The following NUP98 variants were observed in gnomAD, a reference collection of about 807,000 sequenced individuals.
NUP98 encodes nuclear pore complex protein Nup98-Nup96.
Under a neutral mutation model 191.9 loss-of-function variants are expected in NUP98, and 26 were observed. The observed-to-expected ratio is 0.14, with a 90% confidence interval of 0.10 to 0.19. The LOEUF is 0.19. Among genes scored for constraint, NUP98 ranks in the 10% least tolerant of loss-of-function variants. The pLI, the probability that NUP98 is intolerant of heterozygous loss-of-function variation, is 1.00. For missense variants in NUP98, 1,941 were observed against 2,178.8 expected (o/e 0.89, Z 2.17); for synonymous variants, 808 against 778.4 (o/e 1.04, Z -0.63).
rs58867754 is a variant in NUP98 at position 3,753,755 on chromosome 11, C to CAAAAAAAAAAAAA, written c.1175-360_1175-348dup. ...GTGAAACCCCGTCTCTATAAAAATACAAAAAAAAAAAAAAAAAAAAAAAAA... is the reference window on the plus strand; with the variant it reads ...GTGAAACCCCGTCTCTATAAAAATACAAAAAAAAAAAAAAAAAAAAAAAAAAAAAAAAAAAAAA... On this transcript the variant is annotated intron_variant, in intron 10 of 32. Coordinates refer to ENST00000324932, the MANE Select transcript of NUP98 (RefSeq NM_016320.5). 4.9e-4 allele frequency among the ~76,000 whole-genome samples: 5 copies of CAAAAAAAAAAAAA among 10,174 alleles called. 2 individuals are homozygous for CAAAAAAAAAAAAA. The highest frequency in any genetic ancestry group is 9.0e-4 in the African/African-American group (2 of 2,216). 6.7% of individuals were successfully genotyped at this position (10,174 alleles called of 152,430 possible). A position where few individuals can be genotyped will look rare whatever the true frequency, so the allele number is the denominator to read the frequency against.
intron 8 of NUP98, among the ~76,000 whole-genome samples, chr11:3,767,872 C>T (rs1183466964): frequency 2.0e-5 from 3 of 151,308 alleles, no homozygotes; most frequent in Non-Finnish European, 2.9e-5. Context: ...ACTAGGTGAA[C>T]GTTCCCTTAG....
intron 16 of NUP98, among the ~76,000 whole-genome samples, chr11:3,721,460 G>C (rs1589805572): frequency 6.6e-6 from 1 of 152,178 alleles, no homozygotes; most frequent in Non-Finnish European, 1.5e-5. Flanking sequence ...GACTTTGGGA[G>C]GCCGGGGTGA....
At chr11:3,738,240 AG>A (rs1185006444) in intron 12 of NUP98, among the ~76,000 whole-genome samples, 2 of 152,328 alleles carry the variant, frequency 1.3e-5, no homozygotes, top group East Asian at 3.9e-4. Flanking sequence ...TTGATAGATT[AG>A]CAAAAACAAG....
chr11:3,771,382 G>A (rs2081526557), intron 7 of NUP98, among the ~76,000 whole-genome samples: 2 of 152,044 alleles, frequency 1.3e-5, no homozygotes, highest in Non-Finnish European at 2.9e-5. Flanking sequence ...TATAAAATAT[G>A]GCCCCTATAT....
chr11:3,724,978 T>G, intron 15 of NUP98, 125 bp downstream of exon 15: 1 of 533,022 alleles, frequency 1.9e-6, no homozygotes, highest in Admixed American at 3.1e-5. Flanking sequence ...TAGGCGCTCA[T>G]AAGCTTGTAA....
chr11:3,779,433 G>A, intron 2 of NUP98, among the ~76,000 whole-genome samples, 176 bp from the exon 3 acceptor site: 1 of 152,026 alleles, frequency 6.6e-6, no homozygotes, highest in East Asian at 1.9e-4. Flanking sequence ...CCTGAGGTCG[G>A]GAGTTCAAGA....
chr11:3,711,185 C>T (rs2079014329), intron 20 of NUP98, among the ~76,000 whole-genome samples: 1 of 151,930 alleles, frequency 6.6e-6, no homozygotes, highest in Non-Finnish European at 1.5e-5. Context: ...GCAGAGGCCA[C>T]AGAGAGCCGA....
chr11:3,749,055 T>C (rs1307547083), intron 11 of NUP98, among the ~76,000 whole-genome samples: 1 of 151,862 alleles, frequency 6.6e-6, no homozygotes, highest in Non-Finnish European at 1.5e-5. Context: ...ACGCCTGTAA[T>C]CCCAGCACTT....
At chr11:3,721,196 G>A (rs192262905) in intron 16 of NUP98, among the ~76,000 whole-genome samples, 11 of 152,262 alleles carry the variant, frequency 7.2e-5, no homozygotes, top group African/African-American at 2.2e-4. Context: ...AAAATACTCT[G>A]AGAAAAGCTT....
rs767872232 is a variant in NUP98 at position 3,683,298 on chromosome 11, G to C, written c.4820C>G (p.Ala1607Gly). ...KWIHEAKAVR[A>G]HMESDKHLEA... ...TAAGTGCTTGTCAGATTCCATGTGTGCTCGCACAGCTTTGGCCTCGTGGAT... is the reference window on the plus strand; with the variant it reads ...TAAGTGCTTGTCAGATTCCATGTGTCCTCGCACAGCTTTGGCCTCGTGGAT... Residue 1607 changes from alanine (A) to glycine (G), a missense_variant, in exon 30 of 33, where the codon GCA (alanine) becomes GGA (glycine). Physicochemically the swap from Ala to Gly is moderately conservative, Grantham distance 60 (BLOSUM62 0). Transcript: ENST00000324932. 1.2e-6 allele frequency: 2 copies of C among 1,614,014 alleles called. No individual in the cohort carries two copies. Among genetic ancestry groups the C allele is most frequent in the African/African-American group, 2.7e-5 (2 of 74,906 alleles).
intron 20 of NUP98, among the ~76,000 whole-genome samples, chr11:3,709,314 G>C (rs1243516475): frequency 6.6e-6 from 1 of 152,006 alleles, no homozygotes; most frequent in African/African-American, 2.4e-5. Context: ...AGGCTGAGGC[G>C]GATCACTTGA....
intron 2 of NUP98, among the ~76,000 whole-genome samples, chr11:3,780,527 G>A (rs1158957902): frequency 8.2e-6 from 1 of 122,168 alleles, no homozygotes; most frequent in Non-Finnish European, 1.6e-5. Context: ...GGGTGACAGA[G>A]CGAGACTCCA....
rs142243401 is a variant in NUP98, at chr11:3,679,564, T to C, written c.5063A>G (p.His1688Arg). 21 of 1,614,096 alleles carry C rather than the reference T, an allele frequency of 1.3e-5. No homozygotes were observed. The highest frequency in any genetic ancestry group is 3.3e-5 in the Admixed American group (2 of 59,998). Residue 1688 changes from histidine to arginine, a missense_variant, in exon 31 of 33, where the codon CAT (histidine) becomes CGT (arginine). Physicochemically the swap from His to Arg is conservative, Grantham distance 29. Transcript: ENST00000324932. ...CAGGATCTCAGGTACCTGCTGTATA[T>C]GGCGGAGCATTTCAATGACTCTAAT... ...DYIRVIEMLRHIQQVDCSGND... is the reference protein window; with the variant it reads ...DYIRVIEMLRRIQQVDCSGND...
intron 20 of NUP98, among the ~76,000 whole-genome samples, chr11:3,707,422 A>G (rs1265624682): frequency 6.6e-6 from 1 of 152,086 alleles, no homozygotes; most frequent in African/African-American, 2.4e-5. Context: ...TTAGCAAATG[A>G]CTAAGCCAAT....
chr11:3,692,108 G>A (rs1047199748), intron 27 of NUP98, among the ~76,000 whole-genome samples: 9 of 151,932 alleles, frequency 5.9e-5, no homozygotes, highest in Admixed American at 3.3e-4. Flanking sequence ...TGCCACCCTC[G>A]AACCTTGTGA....
chr11:3,722,638 G>A (rs977648425), intron 16 of NUP98, among the ~76,000 whole-genome samples: 1 of 151,976 alleles, frequency 6.6e-6, no homozygotes, highest in Non-Finnish European at 1.5e-5. Context: ...ACCAGCCCAG[G>A]AAACATGGCA....
chr11:3,768,572 T>C lies in NUP98; in HGVS notation c.948+9A>G. ...AGACATGGAGGTAAGTAAGGGTCTG[T>C]TTCCTTACCATGGTGTTGGTGCTTG... On this transcript the variant is annotated intron_variant, in intron 8 of 32. Coordinates refer to ENST00000324932, the MANE Select transcript of NUP98 (RefSeq NM_016320.5). The C allele has an allele frequency of 1.9e-6, 3 of 1,562,230 alleles. No homozygotes were observed. The highest frequency in any genetic ancestry group is 2.6e-6 in the Non-Finnish European group (3 of 1,154,140).
In NUP98 at chr11:3,699,327, G is replaced by C. The variant is rs1268762544; in HGVS notation, c.3764C>G (p.Thr1255Arg). The change falls in exon 25 of 33, where the codon ACA becomes AGA. Residue 1255 changes from threonine (T) to arginine (R), a missense_variant. Transcript: ENST00000324932. ...EAQIVKHWSL[T>R]WTLCEALWGH... ...CCATAGGGCTTCACATAGTGTCCAT[G>C]TCAGGCTCCAGTGCTTCACAACTAA... The C allele has an allele frequency of 6.2e-7, 1 of 1,614,156 alleles. No individual in the cohort carries two copies. Among genetic ancestry groups the C allele is most frequent in the East Asian group, 2.2e-5 (1 of 44,890 alleles).
chr11:3,731,587 C>A lies in NUP98; in HGVS notation c.1543-9G>T, dbSNP rs1243106458. On this transcript the variant is annotated splice_polypyrimidine_tract_variant and intron_variant, in intron 13 of 32. Coordinates refer to ENST00000324932, the MANE Select transcript of NUP98 (RefSeq NM_016320.5). ...TTTGTTGGTTTCAATCTCTGAAAAA[C>A]AAAAGCATCAAGGAAATTTTTGGTT... 2.6e-6 allele frequency: 4 copies of A among 1,512,796 alleles called. No homozygotes were observed. The highest frequency in any genetic ancestry group is 1.4e-5 in the African/African-American group (1 of 71,476). 93.7% of individuals were successfully genotyped at this position (1,512,796 alleles called of 1,614,324 possible). A position where few individuals can be genotyped will look rare whatever the true frequency, so the allele number is the denominator to read the frequency against.
Sources: gnomAD v4.1 joint callset for allele counts (sites outside exome capture counted in the v4.1 genomes callset) on GRCh38, gnomAD v4.1.1 for gene constraint, MANE v1.5 for transcripts, NCBI Gene and HGNC (gene_info 2026-07-23, HGNC 2026-07-21) for gene names.